GOT2: variants seen among roughly 807,000 people sequenced by gnomAD.
The protein encoded by GOT2 is glutamic-oxaloacetic transaminase 2, also known as aspartate aminotransferase, mitochondrial.
A neutral mutation model predicts 50.0 loss-of-function variants in GOT2; 17 were observed. The observed-to-expected ratio is 0.34, with a 90% CI of 0.23 to 0.51. The LOEUF (loss-of-function observed/expected upper bound fraction) is 0.51, where lower values mean the gene tolerates loss of function less well. Among genes scored for constraint, GOT2 ranks in the 20% least tolerant of loss-of-function variants. The probability of loss-of-function intolerance (pLI) is 0.97; values close to 1 mark genes in which losing one functional copy is unlikely to be tolerated. For synonymous variants in GOT2, 172 were observed against 204.9 expected (o/e 0.84, Z 1.37); for missense variants, 430 against 559.6 (o/e 0.77, Z 2.34).
chr16:58,715,379 T>C (rs774190618), intron 8 of GOT2, among the ~76,000 whole-genome samples: 1 of 152,154 alleles, frequency 6.6e-6, no homozygotes, highest in African/African-American at 2.4e-5. Context: ...TATGACTGCC[T>C]CTTACAGAGA....
At chr16:58,716,580 A>C (rs2044695313) in intron 7 of GOT2, 83 bp downstream of exon 7, 2 of 1,181,092 alleles carry the variant, frequency 1.7e-6, no homozygotes, top group East Asian at 2.4e-5. Flanking sequence ...ACACACACAC[A>C]CACACACACC....
Position 58,718,521 on chromosome 16 carries a change from A to C in GOT2, c.597+6T>G, listed in dbSNP as rs1250756045. 6.4e-7 allele frequency: 1 copy of C among 1,566,012 alleles called. No individual in the cohort carries two copies. The highest frequency in any genetic ancestry group is 2.3e-5 in the East Asian group (1 of 44,372). On this transcript the variant is annotated splice_donor_region_variant and intron_variant, in intron 5 of 9. Transcript: ENST00000245206. ...TCACCTCTCTCACCCTGAAAGCCACACTTACTGAAATATCCTCCACAGCGC... is the reference window on the plus strand; with the variant it reads ...TCACCTCTCTCACCCTGAAAGCCACCCTTACTGAAATATCCTCCACAGCGC...
intron 1 of GOT2, among the ~76,000 whole-genome samples, chr16:58,730,626 A>C (rs2152099190): frequency 6.6e-6 from 1 of 152,182 alleles, no homozygotes; most frequent in East Asian, 1.9e-4. Flanking sequence ...TAGCATCCCA[A>C]AGTGCTGAGA....
In GOT2 at chr16:58,707,608, A is replaced by G. The variant is rs373228359; in HGVS notation, c.*563T>C. On this transcript the variant is annotated 3_prime_UTR_variant, in exon 10 of 10. Coordinates refer to ENST00000245206, the MANE Select transcript of GOT2 (RefSeq NM_002080.4). ...AGGAAAAGAACGGCAATGACAAGGG[A>G]GAAAAGAGAGCCTTCTCTTTTTCTT... 3 of 152,204 alleles carry G rather than the reference A, an allele frequency of 2.0e-5. No individual in the cohort carries two copies. Among genetic ancestry groups the G allele is most frequent in the African/African-American group, 7.2e-5 (3 of 41,452 alleles). 9.4% of individuals were successfully genotyped at this position (152,204 alleles called of 1,614,324 possible).
chr16:58,715,313 A>G (rs2044682817), intron 8 of GOT2, among the ~76,000 whole-genome samples: 1 of 152,238 alleles, frequency 6.6e-6, no homozygotes, highest in African/African-American at 2.4e-5. Context: ...TTTAGGGGAA[A>G]GCAGGTTCTA....
intron 4 of GOT2, 89 bp downstream of exon 4, chr16:58,719,107 C>G (rs1235404926): frequency 3.2e-6 from 3 of 929,096 alleles, no homozygotes; most frequent in Non-Finnish European, 5.4e-6. Flanking sequence ...AAGAAATCTA[C>G]TTCTGCATCA....
intron 8 of GOT2, 143 bp downstream of exon 8, chr16:58,715,871 A>G: frequency 1.6e-6 from 1 of 632,582 alleles, no homozygotes; most frequent in Non-Finnish European, 2.6e-6. Flanking sequence ...TAAAAAAGGA[A>G]TGCACATTTT....
chr16:58,719,070 T>C (rs952448869), intron 4 of GOT2, 126 bp downstream of exon 4: 6 of 739,184 alleles, frequency 8.1e-6, no homozygotes, highest in African/African-American at 5.2e-5. Flanking sequence ...TTCATGAGAA[T>C]AGGACATCTG....
intron 1 of GOT2, among the ~76,000 whole-genome samples, chr16:58,733,435 T>C (rs13337034): frequency 0.054 from 8,266 of 152,076 alleles, 504 homozygotes; most frequent in Admixed American, 0.13. Context: ...GAGAGGAAGA[T>C]TGATAGCCTC....
At chr16:58,709,658 C>T (rs949586625) in intron 8 of GOT2, 91 bp from the exon 9 acceptor site, 5 of 1,019,992 alleles carry the variant, frequency 4.9e-6, no homozygotes, top group Middle Eastern at 4.4e-4. Flanking sequence ...TTGAGCAGTC[C>T]CCTAGTGTGC....
chr16:58,718,775 T>C (rs1049964986), intron 4 of GOT2, 87 bp from the exon 5 acceptor site: 1 of 1,128,644 alleles, frequency 8.9e-7, no homozygotes, highest in Non-Finnish European at 1.2e-6. Flanking sequence ...AACATTTTTC[T>C]CTGCTGAAAC....
At chr16:58,727,011 AG>A (rs1180072992) in intron 1 of GOT2, among the ~76,000 whole-genome samples, 1 of 152,004 alleles carries the variant, frequency 6.6e-6, no homozygotes, top group African/African-American at 2.4e-5. Context: ...AAAATTATCT[AG>A]GCAAGGTGGC....
At chr16:58,711,403 C>T (rs2044646834) in intron 8 of GOT2, among the ~76,000 whole-genome samples, 1 of 152,174 alleles carries the variant, frequency 6.6e-6, no homozygotes, top group African/African-American at 2.4e-5. Context: ...CCACTCCATT[C>T]CCATGGCTCT....
chr16:58,729,792 T>A (rs1022276548), intron 1 of GOT2, among the ~76,000 whole-genome samples: 5 of 152,122 alleles, frequency 3.3e-5, no homozygotes, highest in African/African-American at 1.2e-4. Context: ...ACAGTAAGAA[T>A]GTCCCCGCAG....
At chr16:58,712,339 C>G (rs370285103) in intron 8 of GOT2, among the ~76,000 whole-genome samples, 399 of 152,262 alleles carry the variant, frequency 2.6e-3, no homozygotes, top group South Asian at 6.8e-3. Flanking sequence ...TGGTGAAACC[C>G]AGTCTCTACT....
chr16:58,723,246 C>T (rs1485684159), intron 2 of GOT2, among the ~76,000 whole-genome samples: 2 of 151,852 alleles, frequency 1.3e-5, no homozygotes, highest in East Asian at 1.9e-4. Context: ...ATTTAGTTAA[C>T]AAATAAAGAT....
chr16:58,734,225 C>A lies in GOT2; in HGVS notation c.4G>T (p.Ala2Ser), dbSNP rs11558171. The A allele has an allele frequency of 0.12, 164,819 of 1,321,634 alleles. 11,481 individuals carry two copies. The highest frequency in any genetic ancestry group is 0.14 in the Non-Finnish European group (144,367 of 1,029,510). 81.9% of individuals were successfully genotyped at this position (1,321,634 alleles called of 1,614,324 possible). A position where few individuals can be genotyped will look rare whatever the true frequency, so the allele number is the denominator to read the frequency against. The change falls in exon 1 of 10, where the codon GCC becomes TCC. Residue 2 changes from alanine (A) to serine (S), a missense_variant. By Grantham distance (99) the Ala-to-Ser change is moderately conservative. Transcript: ENST00000245206. M[A>S]LLHSGRVLPG... Reference sequence around the variant, plus strand: ...AGGACGCGGCCGGAGTGCAGCAGGGCCATGGTGGACCGTAGGAGGGCAGTG... The same window carrying A: ...AGGACGCGGCCGGAGTGCAGCAGGGACATGGTGGACCGTAGGAGGGCAGTG...
intron 1 of GOT2, among the ~76,000 whole-genome samples, chr16:58,725,374 C>A (rs1319233901): frequency 6.6e-6 from 1 of 152,148 alleles, no homozygotes; most frequent in African/African-American, 2.4e-5. Context: ...CTCAGCTTCC[C>A]AAAGTGCTGG....
chr16:58,713,638 T>G (rs4784974), intron 8 of GOT2, among the ~76,000 whole-genome samples: 4,775 of 152,286 alleles, frequency 0.031, 336 homozygotes, highest in East Asian at 0.29. Context: ...TTCTTAGAGA[T>G]AGCAGATTTA....
Sources: allele counts gnomAD v4.1 joint callset (sites outside exome capture counted in the v4.1 genomes callset), GRCh38; gene constraint gnomAD v4.1.1; transcripts MANE v1.5; gene names NCBI Gene and HGNC (gene_info 2026-07-23, HGNC 2026-07-21).